MYH3: variants seen among roughly 807,000 people sequenced by gnomAD.
MYH3 encodes the protein myosin-3.
A neutral mutation model predicts 238.0 loss-of-function variants in MYH3; 130 were observed. The observed-to-expected ratio is 0.55, with a 90% CI of 0.47 to 0.63. The LOEUF (loss-of-function observed/expected upper bound fraction) is 0.63, where lower values mean the gene tolerates loss of function less well. MYH3 is among the 30% of genes least tolerant of loss of function. The pLI, the probability that MYH3 is intolerant of heterozygous loss-of-function variation, is 0.00. For missense variants in MYH3, 1,853 were observed against 2,374.9 expected, an observed-to-expected ratio of 0.78 and a Z score of 4.57; for synonymous variants, 880 against 924.1, an observed-to-expected ratio of 0.95 and a Z score of 0.86.
Position 10,635,780 on chromosome 17 carries a change from G to C in MYH3, c.3930C>G (p.Thr1310=). 6.2e-7 allele frequency: 1 copy of C among 1,614,150 alleles called. No homozygotes were observed. Among genetic ancestry groups the C allele is most frequent in the Non-Finnish European group, 8.5e-7 (1 of 1,180,034 alleles). The change falls in exon 29 of 41, where the codon ACC becomes ACG. Residue 1310 remains threonine (T), a synonymous_variant. Coordinates refer to ENST00000583535, the MANE Select transcript of MYH3 (RefSeq NM_002470.4). ...GCCTCTTGAGCTCTTCTGTTTGCTGGGTAAAGGCTTGCTTGCTCCTGGAAA... is the reference window on the plus strand; with the variant it reads ...GCCTCTTGAGCTCTTCTGTTTGCTGCGTAAAGGCTTGCTTGCTCCTGGAAA... ...SQLSRSKQAF[T]QQTEELKRQL...
In MYH3 at chr17:10,648,748, T is replaced by A. The variant is rs140391609; in HGVS notation, c.643-99A>T. 1.2e-3 allele frequency: 1,253 copies of A among 1,029,732 alleles called. 12 individuals carry two copies. In the African/African-American group the frequency reaches 0.018, roughly 15 times the overall value. The allele number at this position is 1,029,732 out of a possible 1,614,324, so 63.8% of individuals were successfully genotyped here. ...TGCAGTGCAATGGCACGATCTTGGC[T>A]TACTGCAACCTCCACCTCCCGGGTT... On this transcript the variant is annotated intron_variant, in intron 7 of 40. Coordinates refer to ENST00000583535, the MANE Select transcript of MYH3 (RefSeq NM_002470.4).
At chr17:10,631,531 C>T in intron 36 of MYH3, 80 bp downstream of exon 36, 1 of 1,605,166 alleles carries the variant, frequency 6.2e-7, no homozygotes, top group African/African-American at 1.3e-5. Context: ...CTGGGGGAGA[C>T]CGCACCTGTC....
At chr17:10,661,985 A>C (rs1230525524), upstream of MYH3, among the ~76,000 whole-genome samples, 1 of 151,954 alleles carries the variant, frequency 6.6e-6, no homozygotes, top group Non-Finnish European at 1.5e-5. Flanking sequence ...GTTCAATTCA[A>C]CTATATTATG....
Position 10,644,644 on chromosome 17 carries a change from C to A in MYH3, c.1200G>T (p.Leu400Phe), listed in dbSNP as rs2074303729. 6.2e-7 allele frequency: 1 copy of A among 1,614,102 alleles called. No individual in the cohort carries two copies. Among genetic ancestry groups the A allele is most frequent in the Non-Finnish European group, 8.5e-7 (1 of 1,180,040 alleles). Residue 400 changes from leucine (L) to phenylalanine (F), a missense_variant, in exon 13 of 41, where the codon TTG becomes TTT. Leu to Phe is a conservative substitution (Grantham distance 22). Coordinates refer to ENST00000583535, the MANE Select transcript of MYH3 (RefSeq NM_002470.4). ...GLNSSDLLKALCFPRVKVGNE... is the reference protein window; with the variant it reads ...GLNSSDLLKAFCFPRVKVGNE... The stretch of plus-strand genomic sequence containing the variant: ...TCCCAACTTTCACTCTAGGAAAGCA[C>A]AAAGCTTTTAGGAGGTCCGAAGAGT...
chr17:10,668,398 T>C, the MYH3 span, among the ~76,000 whole-genome samples: 9 of 152,282 alleles, frequency 5.9e-5, no homozygotes, highest in East Asian at 3.9e-4. Flanking sequence ...CTTCTATCTA[T>C]CTACCTACCT....
At chr17:10,651,467 G>A (rs142706155) in intron 5 of MYH3, 45 bp downstream of exon 5, 1 of 1,611,930 alleles carries the variant, frequency 6.2e-7, no homozygotes, top group African/African-American at 1.3e-5. Context: ...CTCGCCTCAT[G>A]CAGTGCCTGC....
the MYH3 span, among the ~76,000 whole-genome samples, chr17:10,669,845 A>G: frequency 6.6e-6 from 1 of 152,178 alleles, no homozygotes; most frequent in South Asian, 2.1e-4. Flanking sequence ...TGGGAATTTG[A>G]GGCTGCAGTG....
At position 10,647,077 on chromosome 17, in the gene MYH3, T is replaced by C. The variant is rs567828812; in HGVS notation, c.898+105A>G. ...AATAAATAAATAAAATAAAATAAAC[T>C]TTCCCTGTTGACTGTAGAGTCACTC... is the stretch of plus-strand genomic sequence containing the variant. On this transcript the variant is annotated intron_variant, in intron 10 of 40. Coordinates refer to ENST00000583535, the MANE Select transcript of MYH3 (RefSeq NM_002470.4). 20 of 877,128 alleles carry C rather than the reference T, an allele frequency of 2.3e-5. No individual in the cohort carries two copies. In the African/African-American group the frequency reaches 2.9e-4, roughly 13 times the overall value. 54.3% of individuals were successfully genotyped at this position (877,128 alleles called of 1,614,324 possible). A position where few individuals can be genotyped will look rare whatever the true frequency, so the allele number is the denominator to read the frequency against.
chr17:10,629,887 T>C lies in MYH3; in HGVS notation c.5613A>G (p.Lys1871=), dbSNP rs200888700. 44 of 1,614,116 alleles carry C rather than the reference T, an allele frequency of 2.7e-5. No individual in the cohort carries two copies. In the Admixed American group the frequency reaches 3.5e-4, roughly 13 times the overall value. ...TGTAGGACTTGACTTTCACTTGCAG[T>C]TTATCCACCAGATCCTGCAATCTCA... ...NVLRLQDLVD[K]LQVKVKSYKR... The change falls in exon 39 of 41, where the codon AAA becomes AAG. Residue 1871 remains lysine (K), a synonymous_variant. Coordinates refer to ENST00000583535, the MANE Select transcript of MYH3 (RefSeq NM_002470.4).
At position 10,642,948 on chromosome 17, in the gene MYH3, G is replaced by A; in HGVS notation, c.1459C>T (p.Gln487Ter). ...AACATGTGGTGGTTGAAAAACTGTT[G>A]CAGTTTCTCATTGGTGAAGTTGATG... ...LCINFTNEKL[Q>*]QFFNHHMFVL... Residue 487 changes from glutamine to a stop codon, truncating the protein, a stop_gained, in exon 15 of 41, where the codon CAA becomes TAA. Transcript: ENST00000583535. LOFTEE classifies it high-confidence loss of function. This position sits in a 1 kb window ranked among gnomAD's most constrained non-coding sequence, Gnocchi z 5.4. The A allele has an allele frequency of 6.2e-7, 1 of 1,614,172 alleles. No individual in the cohort carries two copies. Among genetic ancestry groups the A allele is most frequent in the Non-Finnish European group, 8.5e-7 (1 of 1,180,016 alleles).
the MYH3 span, among the ~76,000 whole-genome samples, chr17:10,671,038 G>A: frequency 3.2e-4 from 48 of 151,986 alleles, no homozygotes; most frequent in Non-Finnish European, 4.1e-4. Flanking sequence ...CTACAGGCAC[G>A]CACCACCACG....
rs145080512 is a variant in MYH3 at position 10,638,293 on chromosome 17, G to A, written c.3479C>T (p.Thr1160Met). Residue 1160 changes from threonine (T) to methionine (M), a missense_variant, in exon 27 of 41, where the codon ACG becomes ATG. This residue lies in a region of MYH3 where 1,044 missense variants were observed against 1,192.6 expected (regional missense o/e 0.88). Transcript: ENST00000583535. ...CCGCTTCTTGTTGAGCTCTATCTGC[G>A]TGGAGGTGACGCCTCCCGCCTCCTC... ...RLEEAGGVTS[T>M]QIELNKKREA... 2,898 of 1,613,438 alleles carry A rather than the reference G, an allele frequency of 1.8e-3. 7 individuals are homozygous for A. Among genetic ancestry groups the A allele is most frequent in the Non-Finnish European group, 2.3e-3 (2,746 of 1,179,980 alleles).
chr17:10,630,246 G>A (rs1482148359), intron 37 of MYH3, 42 bp downstream of exon 37: 11 of 1,610,520 alleles, frequency 6.8e-6, no homozygotes, highest in Middle Eastern at 1.6e-4. Flanking sequence ...GTGATTGGGA[G>A]GCTGGAAAGC....
At position 10,642,720 on chromosome 17, in the gene MYH3, T is replaced by C. The variant is rs774663004; in HGVS notation, c.1585A>G (p.Met529Val). 1.9e-6 allele frequency: 3 copies of C among 1,614,158 alleles called. No homozygotes were observed. Among genetic ancestry groups the C allele is most frequent in the Non-Finnish European group, 2.5e-6 (3 of 1,180,040 alleles). ...AACIELIEKP[M>V]GIFSILEEEC... ...TCTTCCAGGATGGAGAAGATGCCCA[T>C]AGGCTGGATTGAAGGCAAGGCAAAG... The change falls in exon 16 of 41, where the codon ATG (methionine) becomes GTG (valine). Residue 529 changes from methionine to valine, a missense_variant. Met to Val is a conservative substitution (Grantham distance 21). Transcript: ENST00000583535. The surrounding 1 kb of genome is among the most constrained non-coding windows in gnomAD (Gnocchi z 5.4).
the MYH3 span, among the ~76,000 whole-genome samples, chr17:10,664,197 G>A: frequency 6.6e-6 from 1 of 151,866 alleles, no homozygotes; most frequent in Non-Finnish European, 1.5e-5. Flanking sequence ...TAATGCAGGA[G>A]TAAAAATTGC....
Position 10,629,665 on chromosome 17 carries a change from G to A in MYH3, c.5728C>T (p.Arg1910Cys). 2 of 1,614,214 alleles carry A rather than the reference G, an allele frequency of 1.2e-6. No homozygotes were observed. Among genetic ancestry groups the A allele is most frequent in the Non-Finnish European group, 1.7e-6 (2 of 1,180,050 alleles). ...ACTTGAGATTCTGCGATATCCGCAC[G>A]TTCCTCGGCCTCCTCCAGCTCATGC... The part of the protein sequence containing the change: ...AQHELEEAEE[R>C]ADIAESQVNK... The change falls in exon 40 of 41, where the codon CGT (arginine) becomes TGT (cysteine). Residue 1910 changes from arginine (R) to cysteine (C), a missense_variant. By Grantham distance (180) the Arg-to-Cys change is radical (BLOSUM62 -3). Around this residue, in one of 3 missense-constraint regions of MYH3, gnomAD observed 1,044 missense variants for 1,192.6 expected, o/e 0.88. Coordinates refer to ENST00000583535, the MANE Select transcript of MYH3 (RefSeq NM_002470.4).
intron 2 of MYH3, among the ~76,000 whole-genome samples, chr17:10,655,566 CT>C (rs2074420349): frequency 6.6e-6 from 1 of 152,326 alleles, no homozygotes; most frequent in Admixed American, 6.5e-5. Context: ...CTTTTGCTTC[CT>C]TGGGTTGCTA....
chr17:10,659,324 G>C (rs2074464429), upstream of MYH3, among the ~76,000 whole-genome samples: 1 of 152,174 alleles, frequency 6.6e-6, no homozygotes, highest in Non-Finnish European at 1.5e-5. Context: ...CTTCTCGCCT[G>C]GCTTTCCACA....
chr17:10,663,580 G>A, the MYH3 span, among the ~76,000 whole-genome samples: 5 of 152,190 alleles, frequency 3.3e-5, no homozygotes, highest in East Asian at 1.9e-4. Flanking sequence ...AAGCCAAGTC[G>A]ACAGACATCA....
Sources: gnomAD v4.1 joint callset for allele counts (sites outside exome capture counted in the v4.1 genomes callset) on GRCh38, gnomAD v4.1.1 for gene constraint, gnomAD v4.1.1 regional missense constraint, Gnocchi (gnomAD v3.1) non-coding constraint, MANE v1.5 for transcripts, NCBI Gene and HGNC (gene_info 2026-07-23, HGNC 2026-07-21) for gene names.